The following CUL3 variants were observed in gnomAD, a reference collection of about 807,000 sequenced individuals.
CUL3 encodes the protein cullin 3, also known as cullin-3.
A neutral mutation model predicts 89.1 loss-of-function variants in CUL3; 19 were observed. The ratio of observed to expected loss-of-function variants is 0.21; its 90% CI spans 0.15 to 0.31. The LOEUF is 0.31. Among genes scored for constraint, CUL3 ranks in the 10% least tolerant of loss-of-function variants. CUL3 has a pLI of 1.00. For synonymous variants in CUL3, 351 were observed against 308.4 expected, an observed-to-expected ratio of 1.14 and a Z score of -1.45; for missense variants, 469 against 942.3, an observed-to-expected ratio of 0.50 and a Z score of 6.58.
rs1244673752 is a variant in CUL3, at chr2:224,485,431, G to A, written c.1843-3353C>T. On this transcript the variant is annotated intron_variant, in intron 13 of 15. Coordinates refer to ENST00000264414, the MANE Select transcript of CUL3 (RefSeq NM_003590.5). The surrounding 1 kb of genome is among the most constrained non-coding windows in gnomAD (Gnocchi z 4.1). Reference sequence around the variant, plus strand: ...AGTCAACCTGGGACACTCAAGCTTGGTGGGGGGAGGGGCGTCCACCATTCC... The same window carrying A: ...AGTCAACCTGGGACACTCAAGCTTGATGGGGGGAGGGGCGTCCACCATTCC... 6.6e-6 allele frequency: 1 copy of A among 152,306 alleles called. No individual in the cohort carries two copies. Among genetic ancestry groups the A allele is most frequent in the East Asian group, 1.9e-4 (1 of 5,180 alleles). 9.4% of individuals were successfully genotyped at this position (152,306 alleles called of 1,614,324 possible).
chr2:224,553,685 A>T (rs1694600285), intron 2 of CUL3, among the ~76,000 whole-genome samples: 2 of 152,208 alleles, frequency 1.3e-5, no homozygotes, highest in Admixed American at 6.5e-5. Flanking sequence ...ATTATAAGAT[A>T]CATGAGAGAC....
rs76285596 is a variant in CUL3, at chr2:224,579,485, G to GA, written c.66+5458dup. Reference sequence around the variant, plus strand: ...AAACATTTCTGTAGCTCGAAGAAAAGAAAAAAAAAAAAAGATTAACTGTAC... The same window carrying GA: ...AAACATTTCTGTAGCTCGAAGAAAAGAAAAAAAAAAAAAAGATTAACTGTAC... On this transcript the variant is annotated intron_variant, in intron 1 of 15. Transcript: ENST00000264414. Among the ~76,000 whole-genome samples the GA allele has an allele frequency of 5.6e-3, 733 of 131,254 alleles. 5 individuals are homozygous for GA. The highest frequency in any genetic ancestry group is 8.5e-3 in the Non-Finnish European group (509 of 59,876). 86.1% of individuals were successfully genotyped at this position (131,254 alleles called of 152,430 possible).
intron 5 of CUL3, among the ~76,000 whole-genome samples, chr2:224,513,036 T>C (rs551951580): frequency 6.6e-6 from 1 of 152,348 alleles, no homozygotes; most frequent in East Asian, 1.9e-4. Context: ...TTCCACTTAG[T>C]GAACAGTAAA....
rs771347953 is a variant in CUL3 at position 224,495,916 on chromosome 2, A to G, written c.1758T>C (p.Asn586=). The G allele has an allele frequency of 2.1e-5, 34 of 1,614,038 alleles. No homozygotes were observed. The highest frequency in any genetic ancestry group is 2.7e-5 in the Non-Finnish European group (32 of 1,179,916). ...AAACTTGCAATATGTGCTTCCGTGT[A>G]TTAGAGCCAGTTACTTGTGCACCTC... is the stretch of plus-strand genomic sequence containing the variant. ...GVGGAQVTGS[N]TRKHILQVST... is the part of the protein sequence containing the mutation. The change falls in exon 13 of 16, where the codon AAT becomes AAC. Residue 586 remains asparagine (N), a synonymous_variant. Coordinates refer to ENST00000264414, the MANE Select transcript of CUL3 (RefSeq NM_003590.5).
chr2:224,557,918 A>G (rs2106305863), intron 1 of CUL3, 62 bp from the exon 2 acceptor site: 1 of 961,670 alleles, frequency 1.0e-6, no homozygotes, highest in Non-Finnish European at 1.5e-6. Flanking sequence ...AATGGTTGAA[A>G]GTCTTTCTAT....
intron 6 of CUL3, among the ~76,000 whole-genome samples, chr2:224,509,612 C>A (rs1323777247): frequency 6.6e-6 from 1 of 152,204 alleles, no homozygotes. Flanking sequence ...CTGGTGAGTA[C>A]TATTATGGTA....
At chr2:224,486,300 G>T (rs12990285) in intron 13 of CUL3, among the ~76,000 whole-genome samples, 28,071 of 151,946 alleles carry the variant, frequency 0.18, 2,938 homozygotes, top group South Asian at 0.27. Flanking sequence ...AGAAGGTGGG[G>T]AACAACAAAC....
At chr2:224,564,289 G>GA (rs1166144734) in intron 1 of CUL3, among the ~76,000 whole-genome samples, 3 of 152,144 alleles carry the variant, frequency 2.0e-5, no homozygotes, top group Non-Finnish European at 2.9e-5. Flanking sequence ...TCTCAGAAAA[G>GA]AAAAGAACAC....
Position 224,506,974 on chromosome 2 carries a change from G to A in CUL3, c.913C>T (p.Arg305Cys), listed in dbSNP as rs2106206436. The change falls in exon 7 of 16, where the codon CGT becomes TGT. Residue 305 changes from arginine (R) to cysteine (C), a missense_variant. Transcript: ENST00000264414. ...DLGCMYKLFS[R>C]VPNGLKTMCE... Reference sequence around the variant, plus strand: ...ATTGTTTTCAAACCATTTGGCACACGACTAAATAACTTGTACATGCAACCA... The same window carrying A: ...ATTGTTTTCAAACCATTTGGCACACAACTAAATAACTTGTACATGCAACCA... The A allele has an allele frequency of 1.9e-6, 3 of 1,612,694 alleles. No homozygotes were observed. Among genetic ancestry groups the A allele is most frequent in the South Asian group, 1.1e-5 (1 of 90,844 alleles).
intron 3 of CUL3, among the ~76,000 whole-genome samples, chr2:224,518,955 G>C (rs1693166455): frequency 6.6e-6 from 1 of 152,234 alleles, no homozygotes; most frequent in Admixed American, 6.5e-5. Context: ...AAGGCAGAAA[G>C]ACATCAGTCA....
At chr2:224,510,443 T>C (rs537958940) in intron 6 of CUL3, among the ~76,000 whole-genome samples, 2 of 152,232 alleles carry the variant, frequency 1.3e-5, no homozygotes, top group East Asian at 3.9e-4. Context: ...TTTTCCTTTC[T>C]CTTGTATCCT....
At chr2:224,559,657 A>G (rs1446348493) in intron 1 of CUL3, among the ~76,000 whole-genome samples, 1 of 152,060 alleles carries the variant, frequency 6.6e-6, no homozygotes, top group African/African-American at 2.4e-5. Context: ...CATCTCTACC[A>G]TTTCACTGCA....
chr2:224,503,883 G>A, intron 8 of CUL3, 61 bp from the exon 9 acceptor site: 6 of 1,251,074 alleles, frequency 4.8e-6, no homozygotes, highest in African/African-American at 1.5e-5. Context: ...CAGTACTACG[G>A]TTCATTTACA....
chr2:224,560,502 C>T (rs1574697106), intron 1 of CUL3: 1 of 153,074 alleles, frequency 6.5e-6, no homozygotes, highest in African/African-American at 2.4e-5. Flanking sequence ...TCTTTTCCAG[C>T]TGAACAAATG....
Position 224,472,053 on chromosome 2 carries a change from A to T in CUL3, c.*2192T>A, listed in dbSNP as rs3768898. On this transcript the variant is annotated 3_prime_UTR_variant, in exon 16 of 16. Coordinates refer to ENST00000264414, the MANE Select transcript of CUL3 (RefSeq NM_003590.5). ...TTATGACCTAAAATAATACTTATGC[A>T]GTCAAACATATAAACATTTTGTGTG... 4.3e-6 allele frequency: 1 copy of T among 230,528 alleles called. No homozygotes were observed. The highest frequency in any genetic ancestry group is 1.3e-3 in the Middle Eastern group (1 of 768). The allele number at this position is 230,528 out of a possible 1,614,324, so 14.3% of individuals were successfully genotyped here.
intron 2 of CUL3, among the ~76,000 whole-genome samples, chr2:224,548,264 A>G (rs1038397166): frequency 1.3e-5 from 2 of 152,250 alleles, no homozygotes; most frequent in African/African-American, 4.8e-5. Flanking sequence ...TTTCCTTGAT[A>G]TAGTACAAAT....
chr2:224,486,449 GCA>G (rs1691725159), intron 13 of CUL3, among the ~76,000 whole-genome samples: 1 of 151,980 alleles, frequency 6.6e-6, no homozygotes, highest in Admixed American at 6.6e-5. Context: ...GAAAAACACA[GCA>G]CAAGAACTTC....
In CUL3 at chr2:224,474,208, G is replaced by C. The variant is rs2106132578; in HGVS notation, c.*37C>G. On this transcript the variant is annotated 3_prime_UTR_variant, in exon 16 of 16. Coordinates refer to ENST00000264414, the MANE Select transcript of CUL3 (RefSeq NM_003590.5). ...AAGAACTTCCCAGTCCATGCGAAGAGTACAGTCCAAGAATAAATCAAATTT... is the reference window on the plus strand; with the variant it reads ...AAGAACTTCCCAGTCCATGCGAAGACTACAGTCCAAGAATAAATCAAATTT... 1.2e-6 allele frequency: 2 copies of C among 1,602,058 alleles called. No homozygotes were observed. Among genetic ancestry groups the C allele is most frequent in the Non-Finnish European group, 1.7e-6 (2 of 1,173,562 alleles).
At chr2:224,491,100 T>C (rs2106169736) in intron 13 of CUL3, among the ~76,000 whole-genome samples, 1 of 152,348 alleles carries the variant, frequency 6.6e-6, no homozygotes, top group South Asian at 2.1e-4. Flanking sequence ...AAAGTAGTTT[T>C]GCCTAATCTT....
Sources: gnomAD v4.1 joint callset for allele counts (sites outside exome capture counted in the v4.1 genomes callset) on GRCh38, gnomAD v4.1.1 for gene constraint, Gnocchi (gnomAD v3.1) non-coding constraint, MANE v1.5 for transcripts, NCBI Gene and HGNC (gene_info 2026-07-23, HGNC 2026-07-21) for gene names.